USP43: variants seen among roughly 807,000 people sequenced by gnomAD.
The protein encoded by USP43 is ubiquitin specific peptidase 43.
USP43 carries 33 observed loss-of-function variants against 90.7 expected under a neutral mutation model. That is an observed-to-expected ratio of 0.36 (90% CI 0.28 to 0.49). USP43 has a LOEUF of 0.49. USP43 is among the 20% of genes least tolerant of loss of function. The pLI, the probability that USP43 is intolerant of heterozygous loss-of-function variation, is 0.98. For missense variants in USP43, 1,274 were observed against 1,476.4 expected (o/e 0.86, Z 2.25); for synonymous variants, 598 against 615.8 (o/e 0.97, Z 0.43).
chr17:9,675,618 C>G (rs1913718543), intron 4 of USP43, among the ~76,000 whole-genome samples: 1 of 152,022 alleles, frequency 6.6e-6, no homozygotes, highest in Non-Finnish European at 1.5e-5. Context: ...CTTTATGTTC[C>G]CCACCTCCTT....
intron 14 of USP43, among the ~76,000 whole-genome samples, chr17:9,719,991 C>G (rs1916838110): frequency 1.3e-5 from 2 of 151,922 alleles, no homozygotes; most frequent in Admixed American, 1.3e-4. Context: ...CACTTGAGCC[C>G]AAGAAGTGGA....
intron 3 of USP43, among the ~76,000 whole-genome samples, chr17:9,673,231 G>A (rs1226797300): frequency 6.6e-6 from 1 of 152,170 alleles, no homozygotes; most frequent in Non-Finnish European, 1.5e-5. Context: ...TTTCAGCCGG[G>A]GGCAGTGGCT....
In USP43 at chr17:9,686,965, G is replaced by A; in HGVS notation, c.1353+56G>A. On this transcript the variant is annotated intron_variant, in intron 8 of 14. Coordinates refer to ENST00000285199, the MANE Select transcript of USP43 (RefSeq NM_153210.5). This position sits in a 1 kb window ranked among gnomAD's most constrained non-coding sequence, Gnocchi z 5.5. Reference sequence around the variant, plus strand: ...TGCGTGCATGCGCATGTGCATGCGTGTGTGTGGGTGTGTGTATTGGGAGGG... The same window carrying A: ...TGCGTGCATGCGCATGTGCATGCGTATGTGTGGGTGTGTGTATTGGGAGGG... 6.8e-7 allele frequency: 1 copy of A among 1,476,116 alleles called. No individual in the cohort carries two copies. The highest frequency in any genetic ancestry group is 9.3e-7 in the Non-Finnish European group (1 of 1,070,608). The allele number at this position is 1,476,116 out of a possible 1,614,324, so 91.4% of individuals were successfully genotyped here.
intron 3 of USP43, among the ~76,000 whole-genome samples, chr17:9,667,710 G>A (rs1913133053): frequency 6.6e-6 from 1 of 152,138 alleles, no homozygotes; most frequent in African/African-American, 2.4e-5. Context: ...CACAGTGGTC[G>A]GGATTTAGAC....
In USP43 at chr17:9,645,650, G is replaced by A. The variant is rs1043711570; in HGVS notation, c.18G>A (p.Gly6=). Reference sequence around the variant, plus strand: ...CGGCAGCCATGGACCTGGGCCCCGGGGACGCGGCAGGAGGGGGACCGCTCG... The same window carrying A: ...CGGCAGCCATGGACCTGGGCCCCGGAGACGCGGCAGGAGGGGGACCGCTCG... MDLGP[G]DAAGGGPLAP... The change falls in exon 1 of 15, where the codon GGG becomes GGA. Residue 6 remains glycine (G), a synonymous_variant. Coordinates refer to ENST00000285199, the MANE Select transcript of USP43 (RefSeq NM_153210.5). This position sits in a 1 kb window ranked among gnomAD's most constrained non-coding sequence, Gnocchi z 6.8. 1.3e-5 allele frequency: 16 copies of A among 1,233,180 alleles called. No homozygotes were observed. Among genetic ancestry groups the A allele is most frequent in the Admixed American group, 4.4e-5 (1 of 22,798 alleles). 76.4% of individuals were successfully genotyped at this position (1,233,180 alleles called of 1,614,324 possible).
chr17:9,728,465 C>T lies in USP43; in HGVS notation c.2847C>T (p.Gly949=). ...ATGAGAAACCAGCTCGACCGGAGGGCCAGAAGGCCATGAACTGGAAGGAGA... is the reference window on the plus strand; with the variant it reads ...ATGAGAAACCAGCTCGACCGGAGGGTCAGAAGGCCATGAACTGGAAGGAGA... ...VEHEKPARPE[G]QKAMNWKESF... Residue 949 remains glycine, a synonymous_variant, in exon 15 of 15, where the codon GGC becomes GGT. Transcript: ENST00000285199. The surrounding 1 kb of genome is among the most constrained non-coding windows in gnomAD (Gnocchi z 6.2). 6.2e-7 allele frequency: 1 copy of T among 1,613,330 alleles called. No homozygotes were observed. Among genetic ancestry groups the T allele is most frequent in the Non-Finnish European group, 8.5e-7 (1 of 1,179,626 alleles).
chr17:9,727,263 C>G (rs1917321121), intron 14 of USP43, among the ~76,000 whole-genome samples: 1 of 152,160 alleles, frequency 6.6e-6, no homozygotes, highest in Non-Finnish European at 1.5e-5. Flanking sequence ...AAATACACAA[C>G]CTTGGTTGTA....
intron 9 of USP43, among the ~76,000 whole-genome samples, chr17:9,699,153 G>A (rs985947006): frequency 2.0e-5 from 3 of 152,234 alleles, no homozygotes; most frequent in African/African-American, 7.2e-5. Flanking sequence ...TAGGCCTAAT[G>A]ACAGGACGTA....
rs753230821 is a variant in USP43, at chr17:9,682,841, C to T, written c.1124C>T (p.Ser375Leu). ...CTTCTAGCTCATCCACTGGGTCTGT[C>T]GGCCTCCCCACGCCTGGCAGCCCGT... is the stretch of plus-strand genomic sequence containing the variant. Reference protein sequence around the residue: ...GTLSAHPLGLSASPRLAAREG... With the variant: ...GTLSAHPLGLLASPRLAAREG... Residue 375 changes from serine to leucine, a missense_variant, in exon 7 of 15, where the codon TCG (serine) becomes TTG (leucine). By Grantham distance (145) the Ser-to-Leu change is moderately radical. This residue lies in a region of USP43 where 253 missense variants were observed against 276.0 expected (regional missense o/e 0.92). Transcript: ENST00000285199. 24 of 1,613,804 alleles carry T rather than the reference C, an allele frequency of 1.5e-5. No homozygotes were observed. Among genetic ancestry groups the T allele is most frequent in the Admixed American group, 3.3e-5 (2 of 59,996 alleles).
intron 10 of USP43, 141 bp from the exon 11 acceptor site, chr17:9,700,978 G>A: frequency 2.9e-6 from 3 of 1,039,966 alleles, no homozygotes; most frequent in Non-Finnish European, 3.8e-6. Flanking sequence ...GATGCCTGCA[G>A]CTCTCCAGGA....
At chr17:9,688,063 G>A (rs1356465650) in intron 8 of USP43, among the ~76,000 whole-genome samples, 2 of 152,088 alleles carry the variant, frequency 1.3e-5, no homozygotes, top group East Asian at 3.8e-4. Flanking sequence ...TCGGCTCACT[G>A]CAAGCTCCGC....
At chr17:9,713,839 C>A (rs552861708) in intron 14 of USP43, among the ~76,000 whole-genome samples, 1 of 152,300 alleles carries the variant, frequency 6.6e-6, no homozygotes, top group South Asian at 2.1e-4. Context: ...TGGGTAGGAA[C>A]ACTCCATTCT....
At chr17:9,659,598 T>C (rs922730202) in intron 2 of USP43, among the ~76,000 whole-genome samples, 2 of 152,078 alleles carry the variant, frequency 1.3e-5, no homozygotes, top group African/African-American at 4.8e-5. Context: ...TTTTTTACTC[T>C]CTCCTCTCCC....
Position 9,710,120 on chromosome 17 carries a change from T to C in USP43, c.2170+6T>C, listed in dbSNP as rs535792874. ...AGCCAGCAGCTCCATGAGAGGTAGG[T>C]GCTGCTGCTCATGACAGGAGGGGGG... On this transcript the variant is annotated splice_donor_region_variant and intron_variant, in intron 13 of 14. Coordinates refer to ENST00000285199, the MANE Select transcript of USP43 (RefSeq NM_153210.5). The C allele has an allele frequency of 3.3e-6, 5 of 1,497,372 alleles. No homozygotes were observed. In the South Asian group the frequency reaches 7.0e-5, roughly 21 times the overall value. 92.8% of individuals were successfully genotyped at this position (1,497,372 alleles called of 1,614,324 possible).
chr17:9,726,893 T>C (rs1917300074), intron 14 of USP43, among the ~76,000 whole-genome samples: 1 of 152,226 alleles, frequency 6.6e-6, no homozygotes, highest in Non-Finnish European at 1.5e-5. Context: ...TAGCTGAAGA[T>C]TTCTTTCTCA....
At chr17:9,718,657 A>G (rs1310649531) in intron 14 of USP43, among the ~76,000 whole-genome samples, 3 of 151,064 alleles carry the variant, frequency 2.0e-5, no homozygotes, top group Non-Finnish European at 4.4e-5. Flanking sequence ...CCTGACCAAC[A>G]TAGAGAAACT....
intron 12 of USP43, among the ~76,000 whole-genome samples, chr17:9,708,719 C>T (rs1916024020): frequency 6.6e-6 from 1 of 152,152 alleles, no homozygotes; most frequent in African/African-American, 2.4e-5. Context: ...CCTCTGCCTC[C>T]TGGGTTCAAG....
At chr17:9,648,359 G>A (rs1442281299) in intron 1 of USP43, among the ~76,000 whole-genome samples, 1 of 152,230 alleles carries the variant, frequency 6.6e-6, no homozygotes, top group Non-Finnish European at 1.5e-5. Flanking sequence ...TGTCCAGAGA[G>A]TAGACTAGGA....
At chr17:9,669,101 C>T (rs1567653782) in intron 3 of USP43, among the ~76,000 whole-genome samples, 1 of 152,102 alleles carries the variant, frequency 6.6e-6, no homozygotes, top group Non-Finnish European at 1.5e-5. Flanking sequence ...GCCTCGGCCT[C>T]CCAAAGTGTT....
Sources: gnomAD v4.1 joint callset for allele counts (sites outside exome capture counted in the v4.1 genomes callset) on GRCh38, gnomAD v4.1.1 for gene constraint, gnomAD v4.1.1 regional missense constraint, Gnocchi (gnomAD v3.1) non-coding constraint, MANE v1.5 for transcripts, NCBI Gene and HGNC (gene_info 2026-07-23, HGNC 2026-07-21) for gene names.